The following MYB variants were observed in gnomAD, a reference collection of about 807,000 sequenced individuals.
MYB encodes the protein transcriptional activator Myb.
MYB carries 28 observed loss-of-function variants against 92.9 expected under a neutral mutation model. That is an observed-to-expected ratio of 0.30 (90% confidence interval 0.22 to 0.41). The LOEUF (loss-of-function observed/expected upper bound fraction) is 0.41, where lower values mean the gene tolerates loss of function less well. Among genes scored for constraint, MYB ranks in the 10% least tolerant of loss-of-function variants. The pLI, the probability that MYB is intolerant of heterozygous loss-of-function variation, is 1.00. For synonymous variants in MYB, 295 were observed against 329.1 expected (o/e 0.90, Z 1.12); for missense variants, 679 against 929.3 (o/e 0.73, Z 3.50).
At chr6:135,205,276 G>A (rs1025239946) in intron 15 of MYB, among the ~76,000 whole-genome samples, 1 of 149,710 alleles carries the variant, frequency 6.7e-6, no homozygotes, top group Non-Finnish European at 1.5e-5. Context: ...CTTGGCTCTT[G>A]GTTTCTAGAG....
intron 2 of MYB, among the ~76,000 whole-genome samples, chr6:135,187,230 C>T (rs1392074968): frequency 2.0e-5 from 3 of 152,182 alleles, no homozygotes; most frequent in Non-Finnish European, 2.9e-5. Flanking sequence ...TCTAACACAT[C>T]TGGCCTATCT....
chr6:135,212,464 T>C (rs71576365), intron 15 of MYB, among the ~76,000 whole-genome samples: 28 of 152,132 alleles, frequency 1.8e-4, no homozygotes, highest in African/African-American at 6.3e-4. Context: ...GTGGACATGG[T>C]CTTGTTTCTT....
intron 15 of MYB, among the ~76,000 whole-genome samples, chr6:135,214,823 G>C (rs183087403): frequency 6.6e-6 from 1 of 152,160 alleles, no homozygotes; most frequent in Non-Finnish European, 1.5e-5. Context: ...AGAGATATGC[G>C]TATTTCACCT....
chr6:135,210,981 C>T (rs1397775904), intron 15 of MYB, among the ~76,000 whole-genome samples: 2 of 151,980 alleles, frequency 1.3e-5, no homozygotes, highest in Non-Finnish European at 2.9e-5. Context: ...CCCTGTCCCA[C>T]TCTTACAGAA....
chr6:135,181,948 G>T lies in MYB; in HGVS notation c.23+412G>T, dbSNP rs1775119149. On this transcript the variant is annotated intron_variant, in intron 1 of 15. Coordinates refer to ENST00000341911, the MANE Select transcript of MYB (RefSeq NM_001130173.2). The surrounding 1 kb of genome is among the most constrained non-coding windows in gnomAD (Gnocchi z 5.3). ...ATGCATTGAGATATGTTTGGACTTG[G>T]AAGTGCAGAGCATATGGCAGATACA... 6.6e-6 allele frequency among the ~76,000 whole-genome samples: 1 copy of T among 152,208 alleles called. No homozygotes were observed. The highest frequency in any genetic ancestry group is 2.4e-5 in the African/African-American group (1 of 41,456).
chr6:135,214,893 C>A lies in MYB; in HGVS notation c.2170-2971C>A, dbSNP rs6936301. Reference sequence around the variant, plus strand: ...GAACTATTTCAAATACTGTAACTAACCTGGTAATTTTGTTTAGGAAAACAT... The same window carrying A: ...GAACTATTTCAAATACTGTAACTAAACTGGTAATTTTGTTTAGGAAAACAT... On this transcript the variant is annotated intron_variant, in intron 15 of 15. Coordinates refer to ENST00000341911, the MANE Select transcript of MYB (RefSeq NM_001130173.2). Among the ~76,000 whole-genome samples the A allele has an allele frequency of 8.5e-3, 1,293 of 152,254 alleles. 17 individuals carry two copies. The highest frequency in any genetic ancestry group is 0.029 in the African/African-American group (1,203 of 41,530).
rs143011739 is a variant in MYB at position 135,192,422 on chromosome 6, C to G, written c.626C>G (p.Ala209Gly). 2 of 1,614,116 alleles carry G rather than the reference C, an allele frequency of 1.2e-6. No individual in the cohort carries two copies. The highest frequency in any genetic ancestry group is 2.7e-5 in the African/African-American group (2 of 74,940). Reference sequence around the variant, plus strand: ...GAGTCTTCAAAAGCCAGCCAGCCAGCAGTGGCCACAAGCTTCCAGAAGAAC... The same window carrying G: ...GAGTCTTCAAAAGCCAGCCAGCCAGGAGTGGCCACAAGCTTCCAGAAGAAC... ...LQESSKASQP[A>G]VATSFQKNSH... is the part of the protein sequence containing the mutation. Residue 209 changes from alanine (A) to glycine (G), a missense_variant, in exon 6 of 16, where the codon GCA (alanine) becomes GGA (glycine). Around this residue, in one of 8 missense-constraint regions of MYB, gnomAD observed 37 missense variants for 98.0 expected, o/e 0.38. Coordinates refer to ENST00000341911, the MANE Select transcript of MYB (RefSeq NM_001130173.2).
In MYB at chr6:135,218,725, T is replaced by C. The variant is rs1583462400; in HGVS notation, c.*745T>C. On this transcript the variant is annotated 3_prime_UTR_variant, in exon 16 of 16. Coordinates refer to ENST00000341911, the MANE Select transcript of MYB (RefSeq NM_001130173.2). ...AGAAAAGAAACTTGGTGTTAGGTAA[T>C]TGACTATGCACTAGTATTTCAGACT... 5.1e-6 allele frequency: 1 copy of C among 197,594 alleles called. No homozygotes were observed. Among genetic ancestry groups the C allele is most frequent in the African/African-American group, 2.3e-5 (1 of 43,340 alleles). 12.2% of individuals were successfully genotyped at this position (197,594 alleles called of 1,614,324 possible). A position where few individuals can be genotyped will look rare whatever the true frequency, so the allele number is the denominator to read the frequency against.
At chr6:135,212,372 G>A (rs994819448) in intron 15 of MYB, among the ~76,000 whole-genome samples, 17 of 151,018 alleles carry the variant, frequency 1.1e-4, no homozygotes, top group African/African-American at 3.2e-4. Context: ...AATAAGAACC[G>A]TTTTTGTTCA....
chr6:135,196,050 GAA>G, intron 9 of MYB, 48 bp downstream of exon 9: 1 of 1,577,002 alleles, frequency 6.3e-7, no homozygotes, highest in Non-Finnish European at 8.7e-7. Context: ...AGATAAATTA[GAA>G]AACCCATTTC....
At chr6:135,194,490 G>A (rs1334108583) in intron 8 of MYB, 30 bp downstream of exon 8, 1 of 1,515,300 alleles carries the variant, frequency 6.6e-7, no homozygotes, top group African/African-American at 1.4e-5. Flanking sequence ...CTTGAATGAG[G>A]GGATAGCAGC....
rs1239099271 is a variant in MYB at position 135,181,877 on chromosome 6, C to G, written c.23+341C>G. Among the ~76,000 whole-genome samples the G allele has an allele frequency of 6.6e-6, 1 of 152,230 alleles. No homozygotes were observed. Among genetic ancestry groups the G allele is most frequent in the Admixed American group, 6.5e-5 (1 of 15,290 alleles). On this transcript the variant is annotated intron_variant, in intron 1 of 15. Coordinates refer to ENST00000341911, the MANE Select transcript of MYB (RefSeq NM_001130173.2). This position sits in a 1 kb window ranked among gnomAD's most constrained non-coding sequence, Gnocchi z 5.3. ...CCCGGGGAGCCCACCAGGTGCCTGG[C>G]TTGATGCCGCGGGTGTCGGCGAGGG...
intron 9 of MYB, chr6:135,196,664 A>T (rs781753638): frequency 2.1e-5 from 23 of 1,102,100 alleles, no homozygotes; most frequent in Non-Finnish European, 2.8e-5. Flanking sequence ...TGGTTAGGAG[A>T]TGACCATTGC....
intron 1 of MYB, among the ~76,000 whole-genome samples, chr6:135,183,783 T>G (rs1211950428): frequency 2.6e-5 from 4 of 152,198 alleles, no homozygotes; most frequent in Admixed American, 6.5e-5. Context: ...GACCTTAGTT[T>G]TGCACATCTT....
rs1415546608 is a variant in MYB, at chr6:135,200,131, A to G, written c.1756A>G (p.Arg586Gly). The G allele has an allele frequency of 1.9e-6, 3 of 1,614,080 alleles. No individual in the cohort carries two copies. Among genetic ancestry groups the G allele is most frequent in the South Asian group, 2.2e-5 (2 of 91,090 alleles). The change falls in exon 12 of 16, where the codon AGA (arginine) becomes GGA (glycine). Residue 586 changes from arginine to glycine, a missense_variant. Coordinates refer to ENST00000341911, the MANE Select transcript of MYB (RefSeq NM_001130173.2). Reference sequence around the variant, plus strand: ...AAGGTCAATCTTAGAAAGCTCTCCAAGAACTCCTACACCATTCAAACATGC... The same window carrying G: ...AAGGTCAATCTTAGAAAGCTCTCCAGGAACTCCTACACCATTCAAACATGC... ...IKRSILESSP[R>G]TPTPFKHALA...
rs1777222448 is a variant in MYB at position 135,195,818 on chromosome 6, G to A, written c.1019G>A (p.Gly340Glu). The part of the protein sequence containing the change: ...TTIADHTRPH[G>E]DSAPVSCLGE... ...ATTGCCGACCACACCAGACCTCATG[G>A]AGACAGTGCACCTGTTTCCTGTTTG... The change falls in exon 9 of 16, where the codon GGA becomes GAA. Residue 340 changes from glycine (G) to glutamate (E), a missense_variant. Physicochemically the swap from Gly to Glu is moderately conservative, Grantham distance 98 (BLOSUM62 -2). Around this residue, in one of 8 missense-constraint regions of MYB, gnomAD observed 56 missense variants for 55.8 expected, o/e 1.00. Coordinates refer to ENST00000341911, the MANE Select transcript of MYB (RefSeq NM_001130173.2). 1 of 1,614,068 alleles carries A rather than the reference G, an allele frequency of 6.2e-7. No homozygotes were observed. Among genetic ancestry groups the A allele is most frequent in the Non-Finnish European group, 8.5e-7 (1 of 1,180,000 alleles).
At chr6:135,194,023 A>G in intron 7 of MYB, 105 bp downstream of exon 7, 1 of 910,062 alleles carries the variant, frequency 1.1e-6, no homozygotes, top group Non-Finnish European at 1.8e-6. Context: ...TAAAAAGGAA[A>G]GGGAACATGG....
rs1368855453 is a variant in MYB, at chr6:135,197,114, A to G, written c.1357A>G (p.Lys453Glu). 1 of 1,614,020 alleles carries G rather than the reference A, an allele frequency of 6.2e-7. No individual in the cohort carries two copies. The highest frequency in any genetic ancestry group is 8.5e-7 in the Non-Finnish European group (1 of 1,179,894). Residue 453 changes from lysine to glutamate, a missense_variant, in exon 10 of 16, where the codon AAA becomes GAA. Lys to Glu is a moderately conservative substitution (Grantham distance 56). This residue lies in a region of MYB where 402 missense variants were observed against 434.2 expected (regional missense o/e 0.93). Coordinates refer to ENST00000341911, the MANE Select transcript of MYB (RefSeq NM_001130173.2). The stretch of plus-strand genomic sequence containing the variant: ...AGGAGAACCTAGCCCAAGGGTGAAC[A>G]AACGTATGTTGAGTGAGAGTTCACT... ...PAGEPSPRVN[K>E]RMLSESSLDP...
chr6:135,202,792 G>A (rs1393041593), intron 14 of MYB: 4 of 394,032 alleles, frequency 1.0e-5, no homozygotes, highest in South Asian at 5.9e-5. Flanking sequence ...AGAAGGTCTT[G>A]TTCTAAATTC....
Sources: allele counts gnomAD v4.1 joint callset (sites outside exome capture counted in the v4.1 genomes callset), GRCh38; gene constraint gnomAD v4.1.1; regional missense constraint gnomAD v4.1.1; non-coding constraint Gnocchi (gnomAD v3.1); transcripts MANE v1.5; gene names NCBI Gene and HGNC (gene_info 2026-07-23, HGNC 2026-07-21).